ADGB: variants seen among roughly 807,000 people sequenced by gnomAD.
ADGB encodes androglobin.
In ADGB, 172 loss-of-function variants were observed where a neutral mutation model predicts 210.5. That is an observed-to-expected ratio of 0.82 (90% CI 0.72 to 0.93). The LOEUF (loss-of-function observed/expected upper bound fraction) is 0.93. Among genes scored for constraint, ADGB ranks in the 40% least tolerant of loss-of-function variants. The probability of loss-of-function intolerance (pLI) is 0.00; values close to 1 mark genes in which losing one functional copy is unlikely to be tolerated. For missense variants in ADGB, 2,025 were observed against 1,964.8 expected (o/e 1.03, Z -0.58); for synonymous variants, 658 against 662.7 (o/e 0.99, Z 0.11).
intron 33 of ADGB, among the ~76,000 whole-genome samples, chr6:146,799,457 C>T (rs1220292509): frequency 6.6e-6 from 1 of 150,510 alleles, no homozygotes; most frequent in African/African-American, 2.5e-5. Context: ...TCGCTTGAAC[C>T]AGGGAGGCGG....
chr6:146,764,795 TTTTG>T (rs1171546000), intron 28 of ADGB, among the ~76,000 whole-genome samples: 9 of 152,022 alleles, frequency 5.9e-5, no homozygotes, highest in Non-Finnish European at 7.4e-5. Flanking sequence ...GATGATAGTG[TTTTG>T]TTTGTTTGTT....
At chr6:146,641,129 G>T (rs76002616) in intron 2 of ADGB, among the ~76,000 whole-genome samples, 1 of 151,842 alleles carries the variant, frequency 6.6e-6, no homozygotes, top group South Asian at 2.1e-4. Flanking sequence ...TAGCCAAAAT[G>T]AGAGCCAAAT....
chr6:146,794,383 C>T (rs192906169), intron 33 of ADGB, among the ~76,000 whole-genome samples: 11 of 151,976 alleles, frequency 7.2e-5, no homozygotes, highest in East Asian at 3.9e-4. Context: ...AGTGGCTCCC[C>T]GTGTTCTATT....
At position 146,667,914 on chromosome 6, in the gene ADGB, G is replaced by A. The variant is rs1159567765; in HGVS notation, c.839+1012G>A. Among the ~76,000 whole-genome samples, 2 of 151,972 alleles carry A rather than the reference G, an allele frequency of 1.3e-5. 1 individual carries two copies. Among genetic ancestry groups the A allele is most frequent in the South Asian group, 4.1e-4 (2 of 4,830 alleles). On this transcript the variant is annotated intron_variant, in intron 7 of 35. Coordinates refer to ENST00000397944, the MANE Select transcript of ADGB (RefSeq NM_024694.4). ...AATGAGGAAACTAAAGCTCTCAGAGGTTGAATTCCCCCAAACTAGGAACAT... is the reference window on the plus strand; with the variant it reads ...AATGAGGAAACTAAAGCTCTCAGAGATTGAATTCCCCCAAACTAGGAACAT...
At chr6:146,674,636 G>A (rs1776062233) in intron 8 of ADGB, among the ~76,000 whole-genome samples, 1 of 152,180 alleles carries the variant, frequency 6.6e-6, no homozygotes, top group Non-Finnish European at 1.5e-5. Context: ...TGAAAGTGAG[G>A]TGGAGGTGGA....
rs147042099 is a variant in ADGB, at chr6:146,616,633, A to G, written c.74+17519A>G. 5.8e-3 allele frequency among the ~76,000 whole-genome samples: 887 copies of G among 152,162 alleles called. 15 individuals carry two copies. The highest frequency in any genetic ancestry group is 0.02 in the African/African-American group (846 of 41,538). On this transcript the variant is annotated intron_variant, in intron 1 of 35. Transcript: ENST00000397944. Reference sequence around the variant, plus strand: ...TGGTGAAAGGTGGGGGTCTAGTTTCATTTTTATGCATGTGAATATCCAATT... The same window carrying G: ...TGGTGAAAGGTGGGGGTCTAGTTTCGTTTTTATGCATGTGAATATCCAATT...
chr6:146,734,065 T>A, intron 22 of ADGB, 35 bp downstream of exon 22: 1 of 1,539,448 alleles, frequency 6.5e-7, no homozygotes, highest in Non-Finnish European at 8.8e-7. Context: ...AATGAACTTG[T>A]TTGTATAAGA....
intron 3 of ADGB, among the ~76,000 whole-genome samples, chr6:146,646,553 G>A (rs1302387879): frequency 1.3e-5 from 2 of 152,096 alleles, no homozygotes; most frequent in African/African-American, 4.8e-5. Flanking sequence ...TCAAGACTCT[G>A]TAACTTAACA....
At chr6:146,632,080 A>G (rs1249594942) in intron 1 of ADGB, among the ~76,000 whole-genome samples, 1 of 152,088 alleles carries the variant, frequency 6.6e-6, no homozygotes, top group East Asian at 1.9e-4. Flanking sequence ...AATATCACAA[A>G]CTTAATGGCT....
Position 146,740,543 on chromosome 6 carries a change from T to C in ADGB, c.2973T>C (p.Tyr991=). Reference sequence around the variant, plus strand: ...AAACTAAGATTGCTTTTGCAGATTATACTGTGACTTATCAAGAACAGCCAC... The same window carrying C: ...AAACTAAGATTGCTTTTGCAGATTACACTGTGACTTATCAAGAACAGCCAC... ...DEETKIAFAD[Y]TVTYQEQPPN... The change falls in exon 24 of 36, where the codon TAT becomes TAC. Residue 991 remains tyrosine, a synonymous_variant. Transcript: ENST00000397944. The C allele has an allele frequency of 6.4e-7, 1 of 1,550,922 alleles. No individual in the cohort carries two copies. Among genetic ancestry groups the C allele is most frequent in the South Asian group, 1.2e-5 (1 of 83,974 alleles).
At chr6:146,667,915 T>C (rs1255936198) in intron 7 of ADGB, among the ~76,000 whole-genome samples, 1 of 151,998 alleles carries the variant, frequency 6.6e-6, no homozygotes, top group African/African-American at 2.4e-5. Context: ...CTCTCAGAGG[T>C]TGAATTCCCC....
At chr6:146,746,393 T>G (rs1472089184) in intron 26 of ADGB, among the ~76,000 whole-genome samples, 1 of 152,180 alleles carries the variant, frequency 6.6e-6, no homozygotes, top group Non-Finnish European at 1.5e-5. Context: ...TTCTTCTTCT[T>G]CTGCTCCATC....
Position 146,733,197 on chromosome 6 carries a change from C to T in ADGB, c.2598C>T (p.Phe866=), listed in dbSNP as rs1209770437. 1.9e-6 allele frequency: 3 copies of T among 1,543,214 alleles called. No homozygotes were observed. The highest frequency in any genetic ancestry group is 2.7e-5 in the African/African-American group (2 of 72,840). The change falls in exon 21 of 36, where the codon TTC becomes TTT. Residue 866 remains phenylalanine (F), a synonymous_variant. Coordinates refer to ENST00000397944, the MANE Select transcript of ADGB (RefSeq NM_024694.4). ...CTCCTCCAAACTTCAAATTTGCATT[C>T]CGGGCTATGGTTTTGGACTTGGAGT... is the stretch of plus-strand genomic sequence containing the variant. ...TKPPPNFKFA[F]RAMVLDLELL...
chr6:146,718,367 A>G (rs998795707), intron 16 of ADGB, among the ~76,000 whole-genome samples: 2 of 133,132 alleles, frequency 1.5e-5, no homozygotes, highest in Admixed American at 7.2e-5. Flanking sequence ...AAAAAAAAAA[A>G]GGCTCAGCTT....
intron 12 of ADGB, among the ~76,000 whole-genome samples, chr6:146,694,730 A>G (rs560924738): frequency 6.6e-5 from 10 of 151,910 alleles, no homozygotes; most frequent in African/African-American, 2.4e-4. Context: ...TATATGCACC[A>G]CTCCATTCTC....
chr6:146,705,552 T>A (rs1776557599), intron 13 of ADGB, among the ~76,000 whole-genome samples: 1 of 152,190 alleles, frequency 6.6e-6, no homozygotes, highest in Non-Finnish European at 1.5e-5. Flanking sequence ...TTTTTATCTT[T>A]TATTCTTTTA....
chr6:146,666,954 T>G (rs1775944631), intron 7 of ADGB, 52 bp downstream of exon 7: 1 of 1,380,622 alleles, frequency 7.2e-7, no homozygotes. Flanking sequence ...CTTCCCAAGA[T>G]TTCTTTAAAA....
intron 22 of ADGB, among the ~76,000 whole-genome samples, chr6:146,735,685 A>T (rs1777069299): frequency 6.6e-6 from 1 of 152,206 alleles, no homozygotes; most frequent in Non-Finnish European, 1.5e-5. Context: ...TAATGATTTT[A>T]CTTCCCTTTT....
chr6:146,801,245 G>C lies in ADGB; in HGVS notation c.4600G>C (p.Ala1534Pro). 1 of 1,515,082 alleles carries C rather than the reference G, an allele frequency of 6.6e-7. No homozygotes were observed. Among genetic ancestry groups the C allele is most frequent in the Non-Finnish European group, 8.8e-7 (1 of 1,130,178 alleles). The allele number at this position is 1,515,082 out of a possible 1,614,324, so 93.9% of individuals were successfully genotyped here. ...LETSPRLIRK[A>P]LEFMDLSQYV... ...AACATCTCCACGACTTATTCGAAAAGCACTAGAATTTATGGATTTAAGTCA... is the reference window on the plus strand; with the variant it reads ...AACATCTCCACGACTTATTCGAAAACCACTAGAATTTATGGATTTAAGTCA... The change falls in exon 34 of 36, where the codon GCA becomes CCA. Residue 1534 changes from alanine to proline, a missense_variant. Ala to Pro is a conservative substitution (Grantham distance 27, BLOSUM62 -1). Transcript: ENST00000397944.
Sources: allele counts gnomAD v4.1 joint callset (sites outside exome capture counted in the v4.1 genomes callset), GRCh38; gene constraint gnomAD v4.1.1; transcripts MANE v1.5; gene names NCBI Gene and HGNC (gene_info 2026-07-23, HGNC 2026-07-21).